Variants in RNF150 observed in about 807,000 individuals in gnomAD.
RNF150 encodes ring finger protein 150.
RNF150 carries 24 observed loss-of-function variants against 39.3 expected under a neutral mutation model. That is an observed-to-expected ratio of 0.61 (90% CI 0.44 to 0.86). The LOEUF is 0.86. Ranked by LOEUF, RNF150 falls within the 40% of genes least tolerant of loss-of-function variation. RNF150 has a pLI of 0.00. For synonymous variants in RNF150, 255 were observed against 227.3 expected (o/e 1.12, Z -1.10); for missense variants, 502 against 587.8 (o/e 0.85, Z 1.51).
chr4:140,965,610 A>G (rs1327110808), intron 2 of RNF150, among the ~76,000 whole-genome samples: 2 of 152,144 alleles, frequency 1.3e-5, no homozygotes, highest in Admixed American at 1.3e-4. Context: ...GCCACAACAT[A>G]GATGGGCCTG....
chr4:141,001,998 A>G (rs73860210), intron 1 of RNF150, among the ~76,000 whole-genome samples: 11,439 of 152,144 alleles, frequency 0.075, 485 homozygotes, highest in Middle Eastern at 0.16. Context: ...TGGAGTAATC[A>G]GTTTGATGTG....
At chr4:140,952,298 C>A in intron 2 of RNF150, among the ~76,000 whole-genome samples, 1 of 152,214 alleles carries the variant, frequency 6.6e-6, no homozygotes, top group East Asian at 1.9e-4. Context: ...AGGCATGAGC[C>A]ACAGCGCCCG....
chr4:140,902,585 T>C (rs1234454346), intron 6 of RNF150, among the ~76,000 whole-genome samples: 1 of 151,486 alleles, frequency 6.6e-6, no homozygotes, highest in Admixed American at 6.5e-5. Flanking sequence ...TTAAATTTAA[T>C]TTTCAGATCA....
chr4:141,044,049 A>G (rs567158135), intron 1 of RNF150, among the ~76,000 whole-genome samples: 2 of 152,304 alleles, frequency 1.3e-5, no homozygotes, highest in South Asian at 4.1e-4. Flanking sequence ...TTCTATTGAT[A>G]TCTATCAAAA....
intron 4 of RNF150, among the ~76,000 whole-genome samples, chr4:140,930,702 C>T (rs936139348): frequency 4.6e-5 from 7 of 152,154 alleles, no homozygotes; most frequent in African/African-American, 1.2e-4. Flanking sequence ...TCAATGGCAT[C>T]GAAACTGCTC....
chr4:141,174,764 G>A (rs1727781045), intron 1 of RNF150, among the ~76,000 whole-genome samples: 3 of 151,886 alleles, frequency 2.0e-5, no homozygotes. Flanking sequence ...CAAGAGAGGT[G>A]AACACAGGCC....
chr4:141,120,382 A>C (rs1488764949), intron 1 of RNF150, among the ~76,000 whole-genome samples: 1 of 152,132 alleles, frequency 6.6e-6, no homozygotes, highest in Non-Finnish European at 1.5e-5. Flanking sequence ...GAATCTGAAA[A>C]AATTGAGGGT....
At chr4:140,960,771 G>A (rs953257711) in intron 2 of RNF150, among the ~76,000 whole-genome samples, 5 of 152,074 alleles carry the variant, frequency 3.3e-5, no homozygotes, top group African/African-American at 1.2e-4. Flanking sequence ...GCCATATGTA[G>A]ACTAAACTAT....
At chr4:141,204,780 G>T (rs1728346035) in intron 1 of RNF150, among the ~76,000 whole-genome samples, 1 of 152,130 alleles carries the variant, frequency 6.6e-6, no homozygotes, top group Non-Finnish European at 1.5e-5. Flanking sequence ...TTTTACACTT[G>T]CTGAGTTGGT....
intron 1 of RNF150, among the ~76,000 whole-genome samples, chr4:141,183,797 G>C (rs1032435350): frequency 6.6e-6 from 1 of 152,024 alleles, no homozygotes; most frequent in Admixed American, 6.5e-5. Flanking sequence ...TGAGAATGAT[G>C]GTTCCCAGCT....
chr4:141,032,047 C>T (rs911907739), intron 1 of RNF150, among the ~76,000 whole-genome samples: 1 of 151,226 alleles, frequency 6.6e-6, no homozygotes, highest in Non-Finnish European at 1.5e-5. Flanking sequence ...TATATATAAA[C>T]ATATATATAC....
intron 4 of RNF150, among the ~76,000 whole-genome samples, chr4:140,945,607 T>C (rs547802559): frequency 0.02 from 755 of 37,376 alleles, 3 homozygotes; most frequent in African/African-American, 0.039. Context: ...TATATACATA[T>C]ATATACTACA....
upstream of RNF150, among the ~76,000 whole-genome samples, chr4:141,136,685 G>A (rs1241424368): frequency 6.6e-6 from 1 of 152,178 alleles, no homozygotes; most frequent in Non-Finnish European, 1.5e-5. Context: ...TAACGCATTG[G>A]TGTTACAGGC....
In RNF150 at chr4:140,902,880, A is replaced by C. The variant is rs565517441; in HGVS notation, c.1198+8264T>G. The stretch of plus-strand genomic sequence containing the variant: ...CCATTCATCTGAAATGAAGATAGAC[A>C]GATGCTGGATCTCACAATGACCTTC... On this transcript the variant is annotated intron_variant, in intron 6 of 6. Transcript: ENST00000515673. Among the ~76,000 whole-genome samples, 6 of 152,344 alleles carry C rather than the reference A, an allele frequency of 3.9e-5. 1 individual carries two copies. The South Asian group carries it at 1.2e-3, about 32-fold the overall frequency.
intron 4 of RNF150, among the ~76,000 whole-genome samples, chr4:140,943,677 T>C (rs1224064597): frequency 6.6e-6 from 1 of 152,240 alleles, no homozygotes; most frequent in East Asian, 1.9e-4. Flanking sequence ...GCATGCATCA[T>C]GCCATTTGTC....
At chr4:141,058,813 C>T (rs1020761477) in intron 1 of RNF150, among the ~76,000 whole-genome samples, 2 of 152,104 alleles carry the variant, frequency 1.3e-5, no homozygotes, top group African/African-American at 2.4e-5. Flanking sequence ...ATAGTTGCCC[C>T]CACCACTCCC....
At chr4:141,034,937 G>A (rs1479796493) in intron 1 of RNF150, among the ~76,000 whole-genome samples, 2 of 152,168 alleles carry the variant, frequency 1.3e-5, no homozygotes, top group African/African-American at 4.8e-5. Context: ...ATGTGACAGA[G>A]ACACACAGTG....
chr4:140,914,025 G>A (rs892185842), intron 5 of RNF150, among the ~76,000 whole-genome samples: 3 of 152,166 alleles, frequency 2.0e-5, no homozygotes, highest in Admixed American at 6.5e-5. Context: ...CCATAAATAC[G>A]TAAATGCAAT....
intron 1 of RNF150, among the ~76,000 whole-genome samples, chr4:140,998,293 T>G (rs1460553097): frequency 6.6e-6 from 1 of 151,998 alleles, no homozygotes; most frequent in African/African-American, 2.4e-5. Flanking sequence ...GCAATCAAGA[T>G]TAAATAAAGT....
Sources: gnomAD v4.1 joint callset for allele counts (sites outside exome capture counted in the v4.1 genomes callset) on GRCh38, gnomAD v4.1.1 for gene constraint, MANE v1.5 for transcripts, NCBI Gene and HGNC (gene_info 2026-07-23, HGNC 2026-07-21) for gene names.